AHCY: variants seen among roughly 807,000 people sequenced by gnomAD.
The protein encoded by AHCY is S-adenosyl-L-homocysteine hydrolase.
Under a neutral mutation model 45.4 loss-of-function variants are expected in AHCY, and 24 were observed. The observed-to-expected ratio is 0.53, with a 90% CI of 0.38 to 0.74. AHCY has a LOEUF of 0.74. Ranked by LOEUF, AHCY falls within the 30% of genes least tolerant of loss-of-function variation. The probability of loss-of-function intolerance (pLI) is 0.00; values close to 1 mark genes in which losing one functional copy is unlikely to be tolerated. For missense variants in AHCY, 449 were observed against 594.1 expected (o/e 0.76, Z 2.54); for synonymous variants, 245 against 235.1 (o/e 1.04, Z -0.39).
At chr20:34,305,305 C>T (rs2036884043), upstream of AHCY, among the ~76,000 whole-genome samples, 1 of 151,870 alleles carries the variant, frequency 6.6e-6, no homozygotes, top group Non-Finnish European at 1.5e-5. Flanking sequence ...GCCTGGGCGA[C>T]GGAGGGAGAC....
chr20:34,277,070 A>G (rs780369577), downstream of AHCY, among the ~76,000 whole-genome samples: 5 of 152,116 alleles, frequency 3.3e-5, no homozygotes, highest in Non-Finnish European at 7.3e-5. Context: ...TGGCATCAAC[A>G]GTCCCTGTGG....
At chr20:34,303,998 CA>C (rs1167533596), upstream of AHCY, among the ~76,000 whole-genome samples, 1 of 152,078 alleles carries the variant, frequency 6.6e-6, no homozygotes, top group Non-Finnish European at 1.5e-5. Context: ...GACCCTATCT[CA>C]AAAAAACCAA....
intron 4 of AHCY, 80 bp downstream of exon 4, chr20:34,292,278 C>T (rs1047333842): frequency 1.4e-4 from 216 of 1,524,392 alleles, no homozygotes; most frequent in Non-Finnish European, 1.8e-4. Flanking sequence ...GGGAGTCCTG[C>T]CAGGCCTGCG....
chr20:34,241,353 G>A, the AHCY span: 1 of 718,404 alleles, frequency 1.4e-6, no homozygotes, highest in Non-Finnish European at 1.7e-6. Context: ...ATGTGGTGAA[G>A]TTTGAAATAA....
At chr20:34,266,240 T>G in the AHCY span, among the ~76,000 whole-genome samples, 1 of 151,874 alleles carries the variant, frequency 6.6e-6, no homozygotes, top group East Asian at 1.9e-4. Context: ...TAGTCCCAGC[T>G]ACTTGGGAGG....
chr20:34,310,897 G>T (rs975226516), intron 1 of AHCY, among the ~76,000 whole-genome samples: 2 of 151,860 alleles, frequency 1.3e-5, no homozygotes, highest in African/African-American at 4.8e-5. Context: ...AGGCTGATTC[G>T]GGCGGGTCAC....
chr20:34,255,499 G>A, the AHCY span, among the ~76,000 whole-genome samples: 3 of 152,056 alleles, frequency 2.0e-5, no homozygotes, highest in African/African-American at 7.2e-5. Flanking sequence ...GAGACCGAGG[G>A]CACAAGCTGC....
intron 9 of AHCY, 35 bp from the exon 10 acceptor site, chr20:34,281,200 C>A (rs368321784): frequency 6.2e-7 from 1 of 1,611,262 alleles, no homozygotes; most frequent in Non-Finnish European, 8.5e-7. Flanking sequence ...GGAATCAGTG[C>A]CATTTTCTGG....
the AHCY span, chr20:34,262,883 G>A: frequency 6.2e-7 from 1 of 1,614,032 alleles, no homozygotes; most frequent in Admixed American, 1.7e-5. Context: ...GAAAAGAAAA[G>A]ATCTTCTAAG....
At chr20:34,297,717 T>C (rs928362448) in intron 1 of AHCY, among the ~76,000 whole-genome samples, 11 of 152,286 alleles carry the variant, frequency 7.2e-5, no homozygotes, top group African/African-American at 2.6e-4. Flanking sequence ...CCTTTCCCCA[T>C]TGAATGACAA....
chr20:34,254,663 T>C, the AHCY span, among the ~76,000 whole-genome samples: 3 of 152,214 alleles, frequency 2.0e-5, no homozygotes, highest in Non-Finnish European at 4.4e-5. Context: ...ATTTTCATTA[T>C]AGGGTTCTCC....
At chr20:34,286,013 G>A (rs2036171897) in intron 8 of AHCY, 1 of 310,738 alleles carries the variant, frequency 3.2e-6, no homozygotes, top group Non-Finnish European at 6.3e-6. Flanking sequence ...GCTGAGGCAG[G>A]AGAATGGCGT....
chr20:34,258,778 AG>A, the AHCY span, among the ~76,000 whole-genome samples: 2,272 of 100,950 alleles, frequency 0.023, 219 homozygotes, highest in African/African-American at 0.08. Flanking sequence ...TAATATATAT[AG>A]TATATATATA....
chr20:34,253,961 A>G, the AHCY span, among the ~76,000 whole-genome samples: 2 of 152,262 alleles, frequency 1.3e-5, no homozygotes, highest in Non-Finnish European at 2.9e-5. Flanking sequence ...TCACACATCA[A>G]ATAACAGTCT....
At chr20:34,297,456 C>T (rs2036611828) in intron 1 of AHCY, among the ~76,000 whole-genome samples, 1 of 151,974 alleles carries the variant, frequency 6.6e-6, no homozygotes. Flanking sequence ...CGCCACCATG[C>T]CCAGCTAATT....
chr20:34,301,550 G>A (rs780636658), intron 1 of AHCY, among the ~76,000 whole-genome samples: 3 of 152,122 alleles, frequency 2.0e-5, no homozygotes, highest in Non-Finnish European at 2.9e-5. Flanking sequence ...CTTGCTATGC[G>A]CCTTAAGTAA....
At chr20:34,292,535 T>C in intron 3 of AHCY, 28 bp from the exon 4 acceptor site, 1 of 1,613,512 alleles carries the variant, frequency 6.2e-7, no homozygotes, top group South Asian at 1.1e-5. Context: ...CATCAGGGCC[T>C]GGACTTCCCA....
At chr20:34,262,792 C>T in the AHCY span, 1 of 1,612,200 alleles carries the variant, frequency 6.2e-7, no homozygotes. Context: ...TCAACGTCCC[C>T]AGAAACATCT....
chr20:34,292,625 C>A (rs1205689398), intron 3 of AHCY, 118 bp from the exon 4 acceptor site: 1 of 1,460,128 alleles, frequency 6.8e-7, no homozygotes, highest in East Asian at 2.3e-5. Flanking sequence ...CCACCTCCGG[C>A]CCCTCTGAAA....
Sources: allele counts gnomAD v4.1 joint callset (sites outside exome capture counted in the v4.1 genomes callset), GRCh38; gene constraint gnomAD v4.1.1; transcripts MANE v1.5; gene names NCBI Gene and HGNC (gene_info 2026-07-23, HGNC 2026-07-21).